Variants in AKAP19 observed in about 807,000 individuals in gnomAD.
The protein encoded by AKAP19 is A-kinase anchoring protein 19, also known as small A-kinase anchoring protein.
chr2:190,181,298 GAGTTAGCCCCTACC>G, the AKAP19 span: 5 of 313,470 alleles, frequency 1.6e-5, no homozygotes, highest in Non-Finnish European at 2.3e-5. Flanking sequence ...TAATCGAGAA[GAGTTAGCCCCTACC>G]CCTTCAATTT....
the AKAP19 span, among the ~76,000 whole-genome samples, chr2:190,179,759 G>T: frequency 1.3e-5 from 2 of 152,154 alleles, no homozygotes; most frequent in South Asian, 2.1e-4. This position sits in a 1 kb window ranked among gnomAD's most constrained non-coding sequence, Gnocchi z 6.0. Context: ...CTCTTTCGTT[G>T]TACTGCTGAA....
the AKAP19 span, among the ~76,000 whole-genome samples, chr2:190,063,828 T>C: frequency 2.0e-5 from 3 of 152,146 alleles, no homozygotes; most frequent in Non-Finnish European, 4.4e-5. Context: ...AAGTGGCCTC[T>C]GTAGGGATCA....
the AKAP19 span, among the ~76,000 whole-genome samples, chr2:190,013,887 G>T: frequency 1.3e-5 from 2 of 151,446 alleles, no homozygotes; most frequent in Admixed American, 6.6e-5. Flanking sequence ...ACCAACTCTT[G>T]GTTTTATTGA....
At chr2:190,099,439 T>C in the AKAP19 span, among the ~76,000 whole-genome samples, 1 of 152,182 alleles carries the variant, frequency 6.6e-6, no homozygotes, top group African/African-American at 2.4e-5. Context: ...ACAACATTTA[T>C]TAAGTTCACT....
the AKAP19 span, chr2:190,089,458 A>C: frequency 6.6e-6 from 1 of 152,126 alleles, no homozygotes; most frequent in African/African-American, 2.4e-5. Flanking sequence ...AAGGTTTTTA[A>C]AAATTCTATG....
At chr2:189,958,416 G>A in the AKAP19 span, among the ~76,000 whole-genome samples, 1 of 151,662 alleles carries the variant, frequency 6.6e-6, no homozygotes, top group African/African-American at 2.4e-5. Context: ...ATATACTGCT[G>A]ATGAGCGTAT....
the AKAP19 span, among the ~76,000 whole-genome samples, chr2:190,085,326 C>G: frequency 6.6e-6 from 1 of 152,192 alleles, no homozygotes; most frequent in South Asian, 2.1e-4. Context: ...CAGTGTATTT[C>G]AGTAACATTT....
chr2:189,985,107 G>T, the AKAP19 span, among the ~76,000 whole-genome samples: 12 of 152,322 alleles, frequency 7.9e-5, 1 homozygote, highest in East Asian at 1.7e-3. Flanking sequence ...AAGGAGCAGA[G>T]CAGCAGTCCA....
chr2:189,967,338 G>T, the AKAP19 span, among the ~76,000 whole-genome samples: 2 of 152,148 alleles, frequency 1.3e-5, no homozygotes, highest in Non-Finnish European at 1.5e-5. Context: ...TTTCCTTGTT[G>T]TATATCTACA....
At chr2:189,897,815 A>AT in the AKAP19 span, among the ~76,000 whole-genome samples, 1 of 152,198 alleles carries the variant, frequency 6.6e-6, no homozygotes, top group African/African-American at 2.4e-5. Context: ...TTTCAGCAAA[A>AT]TGCTCTGAAT....
chr2:190,152,169 A>T, the AKAP19 span, among the ~76,000 whole-genome samples: 5 of 152,238 alleles, frequency 3.3e-5, no homozygotes, highest in East Asian at 1.9e-4. Context: ...ACAAAAAATT[A>T]AAAAATATTT....
the AKAP19 span, among the ~76,000 whole-genome samples, chr2:189,898,532 C>A: frequency 6.6e-6 from 1 of 152,158 alleles, no homozygotes; most frequent in Non-Finnish European, 1.5e-5. Flanking sequence ...ACATGCCTCT[C>A]TACTCATATC....
chr2:189,958,472 TAGTAATATTTAATTA>T, the AKAP19 span, among the ~76,000 whole-genome samples: 1 of 150,024 alleles, frequency 6.7e-6, no homozygotes, highest in Non-Finnish European at 1.5e-5. Context: ...ATAAATAATA[TAGTAATATTTAATTA>T]AGTAATATTT....
the AKAP19 span, among the ~76,000 whole-genome samples, chr2:190,160,335 A>G: frequency 8.8e-6 from 1 of 113,640 alleles, no homozygotes; most frequent in Admixed American, 8.6e-5. Context: ...GGCTTAGAAT[A>G]AGATTTTTTT....
chr2:190,027,077 T>C, the AKAP19 span, among the ~76,000 whole-genome samples: 1 of 152,224 alleles, frequency 6.6e-6, no homozygotes, highest in Non-Finnish European at 1.5e-5. Context: ...AGCAGCTTTA[T>C]TGCAAGTACT....
the AKAP19 span, among the ~76,000 whole-genome samples, chr2:190,107,646 A>G: frequency 6.6e-6 from 1 of 152,180 alleles, no homozygotes; most frequent in African/African-American, 2.4e-5. Flanking sequence ...TTGCTGAAAG[A>G]GTGGGGTCAT....
the AKAP19 span, among the ~76,000 whole-genome samples, chr2:190,068,742 T>C: frequency 3.3e-3 from 499 of 152,328 alleles, 10 homozygotes; most frequent in African/African-American, 0.011. Flanking sequence ...AGTGTATTTA[T>C]AGACTTTCTA....
chr2:190,131,354 C>T, the AKAP19 span, among the ~76,000 whole-genome samples: 4 of 151,780 alleles, frequency 2.6e-5, no homozygotes, highest in South Asian at 2.1e-4. Flanking sequence ...ATTATACCTA[C>T]GTGATGAAAC....
the AKAP19 span, among the ~76,000 whole-genome samples, chr2:189,938,496 G>C: frequency 6.6e-6 from 1 of 152,170 alleles, no homozygotes; most frequent in Non-Finnish European, 1.5e-5. Context: ...AACATCGCAT[G>C]TTCTCACTTA....
Sources: allele counts gnomAD v4.1 joint callset (sites outside exome capture counted in the v4.1 genomes callset), GRCh38; gene constraint gnomAD v4.1.1; non-coding constraint Gnocchi (gnomAD v3.1); transcripts MANE v1.5; gene names NCBI Gene and HGNC (gene_info 2026-07-23, HGNC 2026-07-21).